MCC: variants seen among roughly 807,000 people sequenced by gnomAD.
The protein encoded by MCC is colorectal mutant cancer protein.
In MCC, 90 loss-of-function variants were observed where a neutral mutation model predicts 116.2. The ratio of observed to expected loss-of-function variants is 0.77; its 90% confidence interval spans 0.65 to 0.92. MCC has a LOEUF of 0.92. Among genes scored for constraint, MCC ranks in the 40% least tolerant of loss-of-function variants. The probability of loss-of-function intolerance (pLI) is 0.00; values close to 1 mark genes in which losing one functional copy is unlikely to be tolerated. For synonymous variants in MCC, 578 were observed against 510.5 expected (o/e 1.13, Z -1.78); for missense variants, 1,516 against 1,312.2 (o/e 1.16, Z -2.40).
intron 3 of MCC, among the ~76,000 whole-genome samples, chr5:113,182,745 ATATT>A (rs1761694261): frequency 6.6e-6 from 1 of 152,192 alleles, no homozygotes; most frequent in African/African-American, 2.4e-5. Context: ...GTGAACTTCT[ATATT>A]TATCTACTTC....
chr5:113,355,172 G>A (rs964065414), intron 2 of MCC, among the ~76,000 whole-genome samples: 1 of 152,136 alleles, frequency 6.6e-6, no homozygotes, highest in Non-Finnish European at 1.5e-5. Flanking sequence ...CTTAGTTAAA[G>A]CATCCAGAGA....
At chr5:113,105,606 T>C (rs1756683276) in intron 6 of MCC, among the ~76,000 whole-genome samples, 1 of 152,160 alleles carries the variant, frequency 6.6e-6, no homozygotes, top group South Asian at 2.1e-4. Flanking sequence ...TATGCCTTTG[T>C]CTGACATACT....
At chr5:113,080,742 T>C (rs1754797668) in intron 11 of MCC, among the ~76,000 whole-genome samples, 1 of 151,018 alleles carries the variant, frequency 6.6e-6, no homozygotes, top group African/African-American at 2.4e-5. Context: ...ACATGGCACA[T>C]GTATACCTAT....
At chr5:113,279,591 C>T (rs1310562063) in intron 3 of MCC, among the ~76,000 whole-genome samples, 2 of 152,154 alleles carry the variant, frequency 1.3e-5, no homozygotes, top group African/African-American at 4.8e-5. Context: ...TGTCTTTTTG[C>T]ATGTAGAACA....
intron 3 of MCC, among the ~76,000 whole-genome samples, chr5:113,331,298 T>C (rs1229060839): frequency 1.3e-5 from 2 of 151,746 alleles, no homozygotes; most frequent in Non-Finnish European, 2.9e-5. Context: ...CCAGTACCGC[T>C]GAGCAGAGCA....
At chr5:113,391,823 A>G (rs1390307800) in intron 1 of MCC, among the ~76,000 whole-genome samples, 1 of 152,090 alleles carries the variant, frequency 6.6e-6, no homozygotes, top group East Asian at 1.9e-4. Context: ...AATGGTACCA[A>G]GACTTTGCCT....
At chr5:113,482,469 AT>A (rs34272526) in intron 1 of MCC, among the ~76,000 whole-genome samples, 138,622 of 152,242 alleles carry the variant, frequency 0.91, 63,410 homozygotes, top group African/African-American at 0.98. Flanking sequence ...GTAAAGTAGA[AT>A]TCCCATGGTA....
At chr5:113,143,496 C>T (rs190644954) in intron 4 of MCC, 136 bp from the exon 5 acceptor site, 161 of 886,852 alleles carry the variant, frequency 1.8e-4, no homozygotes, top group Non-Finnish European at 2.3e-4. Context: ...GTCAGCTCAT[C>T]GGCTGGCAAT....
chr5:113,057,821 G>A (rs1752940640), intron 14 of MCC, among the ~76,000 whole-genome samples: 1 of 152,230 alleles, frequency 6.6e-6, no homozygotes, highest in South Asian at 2.1e-4. Flanking sequence ...GCGAACGCGC[G>A]ACAAAATTAG....
chr5:113,244,857 TA>T (rs1764511020), intron 3 of MCC, among the ~76,000 whole-genome samples: 1 of 152,324 alleles, frequency 6.6e-6, no homozygotes, highest in African/African-American at 2.4e-5. Context: ...CAAATATATA[TA>T]AAATGAAAAT....
intron 2 of MCC, among the ~76,000 whole-genome samples, chr5:113,364,236 C>CAGAA (rs1371826749): frequency 4.4e-4 from 2 of 4,546 alleles, no homozygotes; most frequent in East Asian, 0.013. Context: ...TTCTCAAAAA[C>CAGAA]AGAAAAAAAA....
chr5:113,448,444 G>A (rs1047371452), intron 1 of MCC, among the ~76,000 whole-genome samples: 3 of 152,284 alleles, frequency 2.0e-5, no homozygotes, highest in Admixed American at 1.3e-4. Context: ...AAAGCCAGAC[G>A]CAAGAATACA....
In MCC at chr5:113,022,158, A is replaced by T. The variant is rs1159483443; in HGVS notation, c.*5144T>A. 1 of 152,648 alleles carries T rather than the reference A, an allele frequency of 6.6e-6. No individual in the cohort carries two copies. The highest frequency in any genetic ancestry group is 1.5e-5 in the Non-Finnish European group (1 of 68,042). The allele number at this position is 152,648 out of a possible 1,614,324, so 9.5% of individuals were successfully genotyped here. On this transcript the variant is annotated 3_prime_UTR_variant, in exon 19 of 19. Coordinates refer to ENST00000408903, the MANE Select transcript of MCC (RefSeq NM_001085377.2). ...TAAGAATGTTTGTAAAATATTATAA[A>T]TGTCTCTGTATAAATAAATGGAGTT...
At chr5:113,298,684 G>T (rs896051201) in intron 3 of MCC, among the ~76,000 whole-genome samples, 1 of 152,158 alleles carries the variant, frequency 6.6e-6, no homozygotes, top group Non-Finnish European at 1.5e-5. Flanking sequence ...TTTGGAGTAG[G>T]CTTGGATAGG....
intron 17 of MCC, among the ~76,000 whole-genome samples, chr5:113,031,776 C>A (rs1261193108): frequency 6.6e-6 from 1 of 152,118 alleles, no homozygotes; most frequent in Non-Finnish European, 1.5e-5. Context: ...GCACCCAGGC[C>A]CTCAGGGGAC....
At chr5:113,290,056 C>T (rs1397867312) in intron 3 of MCC, among the ~76,000 whole-genome samples, 17 of 152,200 alleles carry the variant, frequency 1.1e-4, no homozygotes, top group African/African-American at 1.2e-4. Flanking sequence ...AGCACAGCTG[C>T]GAGCTGGCCA....
intron 1 of MCC, among the ~76,000 whole-genome samples, chr5:113,400,817 T>G (rs1769662998): frequency 6.6e-6 from 1 of 152,204 alleles, no homozygotes; most frequent in Non-Finnish European, 1.5e-5. Context: ...CACCTTTTTG[T>G]TAATCTCAGT....
rs147044724 is a variant in MCC, at chr5:113,152,302, C to T, written c.628-880G>A. On this transcript the variant is annotated intron_variant, in intron 3 of 18. Transcript: ENST00000408903. ...CATGTGCCTTCTGTGATTTTCAGGC[C>T]GACGGATGGAACTATTTTTAAGACC... 2.6e-3 allele frequency among the ~76,000 whole-genome samples: 401 copies of T among 152,240 alleles called. 2 individuals are homozygous for T. Among genetic ancestry groups the T allele is most frequent in the African/African-American group, 9.5e-3 (393 of 41,518 alleles).
rs1441019040 is a variant in MCC at position 113,024,978 on chromosome 5, CTG to C, written c.*2322_*2323del. ...CTAAGGTCAGGTAGCATGAGTAAAA[CTG>C]GGGCCCTTAACAGGAGCTGGAGCCG... On this transcript the variant is annotated 3_prime_UTR_variant, in exon 19 of 19. Coordinates refer to ENST00000408903, the MANE Select transcript of MCC (RefSeq NM_001085377.2). 8 of 151,876 alleles carry C rather than the reference CTG, an allele frequency of 5.3e-5. No homozygotes were observed. The highest frequency in any genetic ancestry group is 1.2e-4 in the African/African-American group (5 of 41,312). The allele number at this position is 151,876 out of a possible 1,614,324, so 9.4% of individuals were successfully genotyped here. A position where few individuals can be genotyped will look rare whatever the true frequency, so the allele number is the denominator to read the frequency against.
Sources: allele counts gnomAD v4.1 joint callset (sites outside exome capture counted in the v4.1 genomes callset), GRCh38; gene constraint gnomAD v4.1.1; transcripts MANE v1.5; gene names NCBI Gene and HGNC (gene_info 2026-07-23, HGNC 2026-07-21).